TCF20: variants seen among roughly 807,000 people sequenced by gnomAD.
TCF20 encodes SPRE-binding protein.
In TCF20, 3 loss-of-function variants were observed where a neutral mutation model predicts 148.6. That is an observed-to-expected ratio of 0.02 (90% confidence interval 0.01 to 0.05). The LOEUF is 0.05. TCF20 is among the 10% of genes least tolerant of loss of function. The probability of loss-of-function intolerance (pLI) is 1.00; values close to 1 mark genes in which losing one functional copy is unlikely to be tolerated. For synonymous variants in TCF20, 1,049 were observed against 909.5 expected (o/e 1.15, Z -2.76); for missense variants, 2,350 against 2,429.3 (o/e 0.97, Z 0.69).
intron 1 of TCF20, among the ~76,000 whole-genome samples, chr22:42,239,052 A>G (rs1377144192): frequency 6.6e-6 from 1 of 152,068 alleles, no homozygotes; most frequent in Admixed American, 6.6e-5. Context: ...CGGCAGGCAG[A>G]GCTTGCAGTG....
In TCF20 at chr22:42,188,566, T is replaced by G. The variant is rs541444947; in HGVS notation, c.5656-8864A>C. On this transcript the variant is annotated intron_variant, in intron 2 of 5. Transcript: ENST00000677622. ...AGCATAAAACTGCATGTCCAGAAAG[T>G]AGAAACATGGGTTGGATGAAAATTA... is the stretch of plus-strand genomic sequence containing the variant. Among the ~76,000 whole-genome samples, 6 of 152,230 alleles carry G rather than the reference T, an allele frequency of 3.9e-5. No homozygotes were observed. In the East Asian group the frequency reaches 1.2e-3, roughly 29 times the overall value.
chr22:42,203,129 T>C (rs892363505), intron 2 of TCF20, among the ~76,000 whole-genome samples: 1 of 152,194 alleles, frequency 6.6e-6, no homozygotes, highest in Non-Finnish European at 1.5e-5. Flanking sequence ...TTATGGTCCT[T>C]TGGGATTTTT....
At chr22:42,265,895 T>A (rs755599450) in intron 1 of TCF20, among the ~76,000 whole-genome samples, 2 of 152,104 alleles carry the variant, frequency 1.3e-5, no homozygotes, top group African/African-American at 2.4e-5. Context: ...AATGACGGAA[T>A]TAAGTATGAA....
chr22:42,223,302 A>C (rs1033460), intron 1 of TCF20, among the ~76,000 whole-genome samples: 1 of 152,134 alleles, frequency 6.6e-6, no homozygotes, highest in African/African-American at 2.4e-5. Flanking sequence ...CCTCTAGGAC[A>C]AGTTGGAGCT....
At position 42,210,792 on chromosome 22, in the gene TCF20, G is replaced by C; in HGVS notation, c.4514C>G (p.Pro1505Arg). The C allele has an allele frequency of 6.2e-7, 1 of 1,614,180 alleles. No individual in the cohort carries two copies. ...CTCTTCAGCCTTGGGGTTTGCCTCA[G>C]GGGCCAATATGCCCACTGGAGGTAC... ...KNVPPVGILA[P>R]EANPKAEEKE... The change falls in exon 2 of 6, where the codon CCT becomes CGT. Residue 1505 changes from proline (P) to arginine (R), a missense_variant. Coordinates refer to ENST00000677622, the MANE Select transcript of TCF20 (RefSeq NM_001378418.1). The surrounding 1 kb of genome is among the most constrained non-coding windows in gnomAD (Gnocchi z 4.7).
chr22:42,203,319 A>C (rs1297930261), intron 2 of TCF20, among the ~76,000 whole-genome samples: 1 of 152,176 alleles, frequency 6.6e-6, no homozygotes. Context: ...CCTTGGCCAA[A>C]GAATCGTGTA....
intron 5 of TCF20, among the ~76,000 whole-genome samples, chr22:42,163,468 A>G (rs1003810526): frequency 1.3e-5 from 2 of 152,264 alleles, no homozygotes; most frequent in Non-Finnish European, 2.9e-5. Context: ...CAGTAGGGAA[A>G]TTAGGAAGGA....
At chr22:42,236,336 C>T (rs557393220) in intron 1 of TCF20, among the ~76,000 whole-genome samples, 2 of 152,234 alleles carry the variant, frequency 1.3e-5, no homozygotes, top group Admixed American at 6.5e-5. Context: ...TTGTCATTCT[C>T]GAGTTAGGAA....
chr22:42,174,434 C>A (rs147601136), intron 3 of TCF20, among the ~76,000 whole-genome samples: 1 of 152,068 alleles, frequency 6.6e-6, no homozygotes, highest in African/African-American at 2.4e-5. Context: ...GAAGTGTGCT[C>A]GGGTGGGATG....
At chr22:42,270,766 G>C (rs1926581381), upstream of TCF20, among the ~76,000 whole-genome samples, 1 of 144,990 alleles carries the variant, frequency 6.9e-6, no homozygotes, top group African/African-American at 2.5e-5. Flanking sequence ...GGCGCTGGGG[G>C]CGGGGCCGGG....
At chr22:42,194,630 T>C (rs1937507016) in intron 2 of TCF20, among the ~76,000 whole-genome samples, 1 of 151,752 alleles carries the variant, frequency 6.6e-6, no homozygotes, top group Non-Finnish European at 1.5e-5. Flanking sequence ...TAGATGGTGT[T>C]ACTGAGAAAG....
intron 1 of TCF20, among the ~76,000 whole-genome samples, chr22:42,342,528 T>C (rs1377041915): frequency 6.6e-6 from 1 of 152,146 alleles, no homozygotes; most frequent in Admixed American, 6.5e-5. Flanking sequence ...AGGTAGTTCA[T>C]CTCATTGGGC....
intron 1 of TCF20, among the ~76,000 whole-genome samples, chr22:42,262,388 G>T (rs1172746525): frequency 6.6e-6 from 1 of 152,140 alleles, no homozygotes; most frequent in East Asian, 1.9e-4. Flanking sequence ...GAGAGAAAAG[G>T]AGGAATCTGA....
chr22:42,302,765 C>T (rs2147034881), intron 1 of TCF20, among the ~76,000 whole-genome samples: 1 of 152,364 alleles, frequency 6.6e-6, no homozygotes, highest in African/African-American at 2.4e-5. Context: ...CCCAGCACCT[C>T]CCATCCTGTA....
chr22:42,205,899 G>A (rs556573872), intron 2 of TCF20, among the ~76,000 whole-genome samples: 1 of 152,290 alleles, frequency 6.6e-6, no homozygotes, highest in African/African-American at 2.4e-5. Context: ...AGCCTCCCGA[G>A]TAGCTGGGAT....
chr22:42,263,489 C>G (rs1227945230), intron 1 of TCF20, among the ~76,000 whole-genome samples: 1 of 152,114 alleles, frequency 6.6e-6, no homozygotes, highest in Non-Finnish European at 1.5e-5. Context: ...GCTGCTGGAG[C>G]CTTAACTCTT....
At chr22:42,179,913 C>T (rs923060521) in intron 2 of TCF20, among the ~76,000 whole-genome samples, 1 of 152,190 alleles carries the variant, frequency 6.6e-6, no homozygotes, top group Non-Finnish European at 1.5e-5. Context: ...CCAAGCCTCA[C>T]AAATGTTCTC....
At position 42,245,248 on chromosome 22, in the gene TCF20, C is replaced by T. The variant is rs184688954; in HGVS notation, c.-37+25091G>A. 1.0e-3 allele frequency among the ~76,000 whole-genome samples: 158 copies of T among 152,064 alleles called. 1 individual carries two copies. The highest frequency in any genetic ancestry group is 1.4e-3 in the Non-Finnish European group (96 of 67,982). ...GACTACAGGCATGCACCACTATGCC[C>T]GGCTATTTTTAATTTTGTAGAGACG... On this transcript the variant is annotated intron_variant, in intron 1 of 5. Transcript: ENST00000677622.
Position 42,214,606 on chromosome 22 carries a change from G to GGGTCAGT in TCF20, c.699_700insACTGACC (p.His234ThrfsTer23). ...GAGGAGGAAGCAGAAGACTGATAGT[G>GGGTCAGT]TTGGCCAAACTGACCCACTCTTAAC... On this transcript the variant is annotated frameshift_variant, in exon 2 of 6. Transcript: ENST00000677622. LOFTEE classifies it high-confidence loss of function. The GGGTCAGT allele has an allele frequency of 1.2e-6, 2 of 1,614,174 alleles. No homozygotes were observed. The highest frequency in any genetic ancestry group is 1.7e-6 in the Non-Finnish European group (2 of 1,180,042).
Sources: allele counts gnomAD v4.1 joint callset (sites outside exome capture counted in the v4.1 genomes callset), GRCh38; gene constraint gnomAD v4.1.1; non-coding constraint Gnocchi (gnomAD v3.1); transcripts MANE v1.5; gene names NCBI Gene and HGNC (gene_info 2026-07-23, HGNC 2026-07-21).